The following SRCIN1 variants were observed in gnomAD, a reference collection of about 807,000 sequenced individuals.
The protein encoded by SRCIN1 is SRC kinase signaling inhibitor 1.
Under a neutral mutation model 116.2 loss-of-function variants are expected in SRCIN1, and 50 were observed. The ratio of observed to expected loss-of-function variants is 0.43; its 90% CI spans 0.34 to 0.54. The LOEUF (loss-of-function observed/expected upper bound fraction) is 0.54, where lower values mean the gene tolerates loss of function less well. Ranked by LOEUF, SRCIN1 falls within the 20% of genes least tolerant of loss-of-function variation. The probability of loss-of-function intolerance (pLI) is 0.02; values close to 1 mark genes in which losing one functional copy is unlikely to be tolerated. For synonymous variants in SRCIN1, 736 were observed against 750.0 expected, an observed-to-expected ratio of 0.98 and a Z score of 0.30; for missense variants, 1,446 against 1,672.0, an observed-to-expected ratio of 0.86 and a Z score of 2.36.
chr17:38,589,692 C>T (rs916928412), intron 1 of SRCIN1, among the ~76,000 whole-genome samples: 1 of 152,176 alleles, frequency 6.6e-6, no homozygotes. Flanking sequence ...GCGAGGGGGC[C>T]GGAGAGCCTC....
At chr17:38,577,021 C>G (rs1223379081) in intron 2 of SRCIN1, among the ~76,000 whole-genome samples, 3 of 152,202 alleles carry the variant, frequency 2.0e-5, no homozygotes, top group African/African-American at 4.8e-5. Context: ...CCAGGTGGAC[C>G]TCTGTGCCAG....
At chr17:38,548,906 G>A (rs943515970) in intron 16 of SRCIN1, 150 bp downstream of exon 16, 8 of 1,210,694 alleles carry the variant, frequency 6.6e-6, no homozygotes, top group Admixed American at 2.9e-5. Context: ...TCCCAAACTA[G>A]CAGGACAAAG....
At chr17:38,584,906 G>A (rs982806583) in intron 1 of SRCIN1, among the ~76,000 whole-genome samples, 4 of 152,136 alleles carry the variant, frequency 2.6e-5, no homozygotes, top group African/African-American at 7.2e-5. Flanking sequence ...GAGGAAGAAC[G>A]AAGCCACCAG....
chr17:38,559,451 G>A, intron 10 of SRCIN1, 134 bp downstream of exon 10: 3 of 914,914 alleles, frequency 3.3e-6, no homozygotes, highest in Non-Finnish European at 3.2e-6. Context: ...AGAGAGGCCA[G>A]TGAGCGGCGA....
rs374819800 is a variant in SRCIN1 at position 38,558,449 on chromosome 17, G to A, written c.2026-47C>T. The A allele has an allele frequency of 1.9e-6, 3 of 1,539,176 alleles. No homozygotes were observed. Among genetic ancestry groups the A allele is most frequent in the South Asian group, 1.2e-5 (1 of 85,500 alleles). ...GGACCCGGGTGGGGGGAGCGGAGCC[G>A]CGAGGCAGGGGAAGGGCCGGGAGAA... On this transcript the variant is annotated intron_variant, in intron 10 of 18. Coordinates refer to ENST00000617146, the MANE Select transcript of SRCIN1 (RefSeq NM_025248.3). This position sits in a 1 kb window ranked among gnomAD's most constrained non-coding sequence, Gnocchi z 4.6.
Position 38,562,922 on chromosome 17 carries a change from TG to T in SRCIN1, c.741-3del, listed in dbSNP as rs764039582. 5 of 1,612,726 alleles carry T rather than the reference TG, an allele frequency of 3.1e-6. No homozygotes were observed. The highest frequency in any genetic ancestry group is 4.2e-6 in the Non-Finnish European group (5 of 1,179,156). On this transcript the variant is annotated splice_region_variant and splice_polypyrimidine_tract_variant and intron_variant, in intron 5 of 18. Transcript: ENST00000617146. The surrounding 1 kb of genome is among the most constrained non-coding windows in gnomAD (Gnocchi z 4.2). Reference sequence around the variant, plus strand: ...ATAATACTGCGGTCCTGGATGTCCCTGGGAGAGGCGGGGAGACGGGGGTCAC... The same window carrying T: ...ATAATACTGCGGTCCTGGATGTCCCTGGAGAGGCGGGGAGACGGGGGTCAC...
At position 38,563,970 on chromosome 17, in the gene SRCIN1, C is replaced by A; in HGVS notation, c.541+148G>T. Reference sequence around the variant, plus strand: ...GAGGGCGAGAGAGAGATGGAGAGAGCTGGGGTTGCTTGGGGAGAAGGGGCT... The same window carrying A: ...GAGGGCGAGAGAGAGATGGAGAGAGATGGGGTTGCTTGGGGAGAAGGGGCT... On this transcript the variant is annotated intron_variant, in intron 4 of 18. Transcript: ENST00000617146. This position sits in a 1 kb window ranked among gnomAD's most constrained non-coding sequence, Gnocchi z 5.8. 1.2e-6 allele frequency: 1 copy of A among 864,662 alleles called. No individual in the cohort carries two copies. The highest frequency in any genetic ancestry group is 2.3e-5 in the Admixed American group (1 of 42,912). 53.6% of individuals were successfully genotyped at this position (864,662 alleles called of 1,614,324 possible).
At chr17:38,569,655 G>T (rs558911626) in intron 2 of SRCIN1, among the ~76,000 whole-genome samples, 1 of 152,174 alleles carries the variant, frequency 6.6e-6, no homozygotes, top group African/African-American at 2.4e-5. Context: ...CAGCATTCAC[G>T]CTAGAAAACA....
intron 1 of SRCIN1, among the ~76,000 whole-genome samples, chr17:38,593,958 G>A (rs569133839): frequency 1.3e-4 from 20 of 152,322 alleles, no homozygotes; most frequent in African/African-American, 3.6e-4. Flanking sequence ...AAGCCAGGAC[G>A]GGGCTGCTTC....
intron 1 of SRCIN1, among the ~76,000 whole-genome samples, chr17:38,603,547 T>A (rs958254991): frequency 2.0e-4 from 31 of 152,032 alleles, no homozygotes; most frequent in African/African-American, 7.5e-4. Context: ...GATTTGTGCC[T>A]CCATCCCAGC....
chr17:38,538,750 C>T (rs1046629499), intron 18 of SRCIN1, among the ~76,000 whole-genome samples: 2 of 152,202 alleles, frequency 1.3e-5, no homozygotes, highest in Non-Finnish European at 2.9e-5. Context: ...CTTGCTCACA[C>T]CCACGAGGTT....
intron 15 of SRCIN1, among the ~76,000 whole-genome samples, chr17:38,550,232 A>C (rs867196573): frequency 7.2e-5 from 11 of 152,158 alleles, no homozygotes; most frequent in South Asian, 4.1e-4. Context: ...TGGTGGCTCA[A>C]GTCTGTAATC....
chr17:38,561,554 C>T lies in SRCIN1; in HGVS notation c.1609G>A (p.Gly537Arg). 6.2e-7 allele frequency: 1 copy of T among 1,601,126 alleles called. No individual in the cohort carries two copies. The highest frequency in any genetic ancestry group is 8.5e-7 in the Non-Finnish European group (1 of 1,176,292). The change falls in exon 7 of 19, where the codon GGA becomes AGA. Residue 537 changes from glycine (G) to arginine (R), a missense_variant. Coordinates refer to ENST00000617146, the MANE Select transcript of SRCIN1 (RefSeq NM_025248.3). ...GGGAAGAGCTCCGAAGGGGGAGCTC[C>T]GGCCGTCGAGGCGCTCCCCGCGCTG... ...TRSAGSASTA[G>R]APPSELFPGP... is the part of the protein sequence containing the mutation.
At chr17:38,550,514 A>AAAT (rs1567857222) in intron 15 of SRCIN1, among the ~76,000 whole-genome samples, 2 of 147,368 alleles carry the variant, frequency 1.4e-5, no homozygotes, top group African/African-American at 2.5e-5. Context: ...AATAAATAAA[A>AAAT]AATAAAAATA....
chr17:38,588,471 G>A (rs966367666), intron 1 of SRCIN1, among the ~76,000 whole-genome samples: 2 of 152,250 alleles, frequency 1.3e-5, no homozygotes, highest in East Asian at 1.9e-4. Context: ...TCTCCTTGGA[G>A]AGGCAGCCGA....
chr17:38,561,291 CCT>C (rs1906219421), intron 7 of SRCIN1, among the ~76,000 whole-genome samples, 170 bp downstream of exon 7: 1 of 152,160 alleles, frequency 6.6e-6, no homozygotes, highest in African/African-American at 2.4e-5. Context: ...TCTCCAATGC[CCT>C]CTCTGCCACA....
rs1327202705 is a variant in SRCIN1, at chr17:38,604,818, C to CCCACCCT, written c.22+859_22+865dup. On this transcript the variant is annotated intron_variant, in intron 1 of 18. Coordinates refer to ENST00000617146, the MANE Select transcript of SRCIN1 (RefSeq NM_025248.3). The surrounding 1 kb of genome is among the most constrained non-coding windows in gnomAD (Gnocchi z 4.3). Reference sequence around the variant, plus strand: ...GGCCACGGTGCGTCCCCTTCCCAGCCCCACCCTCCACCCCTCAGCCGCCTG... The same window carrying CCCACCCT: ...GGCCACGGTGCGTCCCCTTCCCAGCCCCACCCTCCACCCTCCACCCCTCAGCCGCCTG... Among the ~76,000 whole-genome samples the CCCACCCT allele has an allele frequency of 6.6e-6, 1 of 151,814 alleles. No homozygotes were observed. The highest frequency in any genetic ancestry group is 1.5e-5 in the Non-Finnish European group (1 of 67,882).
chr17:38,588,224 C>G (rs1459498349), intron 1 of SRCIN1, among the ~76,000 whole-genome samples: 2 of 152,128 alleles, frequency 1.3e-5, no homozygotes, highest in Non-Finnish European at 2.9e-5. Flanking sequence ...TGTATCAGAC[C>G]CAGGACTGTG....
chr17:38,586,792 G>C (rs1567880337), intron 1 of SRCIN1, among the ~76,000 whole-genome samples: 1 of 152,230 alleles, frequency 6.6e-6, no homozygotes. Flanking sequence ...AATTTGTGCA[G>C]ATTTAAAACC....
Sources: gnomAD v4.1 joint callset for allele counts (sites outside exome capture counted in the v4.1 genomes callset) on GRCh38, gnomAD v4.1.1 for gene constraint, Gnocchi (gnomAD v3.1) non-coding constraint, MANE v1.5 for transcripts, NCBI Gene and HGNC (gene_info 2026-07-23, HGNC 2026-07-21) for gene names.